OPCML: variants seen among roughly 807,000 people sequenced by gnomAD.
The protein encoded by OPCML is opioid binding protein/cell adhesion molecule like.
In OPCML, 13 loss-of-function variants were observed where a neutral mutation model predicts 37.8. The ratio of observed to expected loss-of-function variants is 0.34; its 90% CI spans 0.22 to 0.55. OPCML has a LOEUF of 0.55. Among genes scored for constraint, OPCML ranks in the 20% least tolerant of loss-of-function variants. The pLI is 0.91. For missense variants in OPCML, 341 were observed against 435.6 expected, an observed-to-expected ratio of 0.78 and a Z score of 1.93; for synonymous variants, 176 against 168.8, an observed-to-expected ratio of 1.04 and a Z score of -0.33.
intron 4 of OPCML, among the ~76,000 whole-genome samples, chr11:132,493,130 AGTGTG>A (rs1330333535): frequency 6.6e-6 from 1 of 152,158 alleles, no homozygotes; most frequent in African/African-American, 2.4e-5. Context: ...GGCTAAATTG[AGTGTG>A]GTGGTGGAAT....
At chr11:133,029,206 A>C (rs1161128125) in intron 1 of OPCML, among the ~76,000 whole-genome samples, 2 of 148,038 alleles carry the variant, frequency 1.4e-5, no homozygotes, top group Non-Finnish European at 3.0e-5. Context: ...TTAAAAAGTC[A>C]AAAGAAAAAA....
At chr11:133,004,141 C>T (rs1947062692) in intron 1 of OPCML, 1 of 985,388 alleles carries the variant, frequency 1.0e-6, no homozygotes, top group Non-Finnish European at 1.2e-6. Context: ...AAAGCGGGAG[C>T]AGGCAGCCCA....
intron 1 of OPCML, among the ~76,000 whole-genome samples, chr11:133,109,335 G>A (rs914309024): frequency 1.3e-5 from 2 of 152,110 alleles, no homozygotes; most frequent in African/African-American, 4.8e-5. Context: ...AGGACTGAGT[G>A]GGTTACCGCT....
At position 132,988,546 on chromosome 11, in the gene OPCML, C is replaced by T. The variant is rs945779897; in HGVS notation, c.62-45536G>A. Among the ~76,000 whole-genome samples, 22 of 152,278 alleles carry T rather than the reference C, an allele frequency of 1.4e-4. 1 individual carries two copies. Among genetic ancestry groups the T allele is most frequent in the Middle Eastern group, 3.4e-3 (1 of 292 alleles). ...CTAGACAGAAATGGGGAGGGCTGCG[C>T]GGCCTTCTTTTAGAATAAATAACAT... On this transcript the variant is annotated intron_variant, in intron 1 of 7. Coordinates refer to ENST00000524381, the MANE Select transcript of OPCML (RefSeq NM_001012393.5).
intron 2 of OPCML, among the ~76,000 whole-genome samples, chr11:132,834,003 G>C (rs35874047): frequency 0.07 from 10,705 of 152,272 alleles, 426 homozygotes; most frequent in Non-Finnish European, 0.082. Context: ...CTTGACCTAT[G>C]GGTGCCCTTC....
At chr11:133,423,722 C>T (rs1375081084) in intron 1 of OPCML, among the ~76,000 whole-genome samples, 8 of 152,114 alleles carry the variant, frequency 5.3e-5, no homozygotes, top group Non-Finnish European at 1.2e-4. Context: ...TGTGGACTCC[C>T]AATGTTAGAG....
chr11:133,492,960 A>C (rs138639291), intron 1 of OPCML, among the ~76,000 whole-genome samples: 1 of 152,332 alleles, frequency 6.6e-6, no homozygotes, highest in East Asian at 1.9e-4. Context: ...AAGAAGCATC[A>C]GGCACCACCA....
rs181243938 is a variant in OPCML at position 133,289,936 on chromosome 11, G to A, written c.61+242328C>T. On this transcript the variant is annotated intron_variant, in intron 1 of 7. Coordinates refer to ENST00000524381, the MANE Select transcript of OPCML (RefSeq NM_001012393.5). ...TTTCCCCCCTGGGCTGTTCTGACCC[G>A]GCCATCTAATCACTGTGGAGGCAAC... Among the ~76,000 whole-genome samples the A allele has an allele frequency of 4.9e-3, 742 of 152,200 alleles. 8 individuals carry two copies. The highest frequency in any genetic ancestry group is 0.017 in the African/African-American group (707 of 41,518).
At chr11:133,130,115 A>C (rs1378331581) in intron 1 of OPCML, among the ~76,000 whole-genome samples, 1 of 152,096 alleles carries the variant, frequency 6.6e-6, no homozygotes, top group Non-Finnish European at 1.5e-5. Flanking sequence ...GCAAACAATC[A>C]TCTAAGCCAT....
intron 1 of OPCML, among the ~76,000 whole-genome samples, chr11:133,021,091 T>C (rs1354255321): frequency 6.6e-6 from 1 of 152,122 alleles, no homozygotes; most frequent in Non-Finnish European, 1.5e-5. Context: ...CCTTCAGCCA[T>C]TCAGGAGACA....
At chr11:132,639,559 C>G (rs757820982) in intron 3 of OPCML, among the ~76,000 whole-genome samples, 1 of 152,166 alleles carries the variant, frequency 6.6e-6, no homozygotes, top group East Asian at 1.9e-4. Context: ...TTCCTGAATC[C>G]GAACACAATC....
At chr11:133,424,248 C>T (rs1181230810) in intron 1 of OPCML, among the ~76,000 whole-genome samples, 1 of 152,174 alleles carries the variant, frequency 6.6e-6, no homozygotes, top group Non-Finnish European at 1.5e-5. Flanking sequence ...TCAATTGCAT[C>T]ATTTGCTGCA....
intron 1 of OPCML, among the ~76,000 whole-genome samples, chr11:133,304,547 G>A (rs1389008765): frequency 6.6e-6 from 1 of 152,148 alleles, no homozygotes; most frequent in Non-Finnish European, 1.5e-5. Context: ...GCCATTCTAT[G>A]CCGATGCCTT....
intron 2 of OPCML, among the ~76,000 whole-genome samples, chr11:132,913,724 T>G (rs938119170): frequency 2.0e-5 from 3 of 152,266 alleles, no homozygotes; most frequent in South Asian, 2.1e-4. Context: ...CATGGCTCCT[T>G]CTGAAATGAC....
chr11:132,754,302 T>C (rs1476512470), intron 2 of OPCML, among the ~76,000 whole-genome samples: 1 of 152,202 alleles, frequency 6.6e-6, no homozygotes, highest in Non-Finnish European at 1.5e-5. Context: ...TGGGAGTTTA[T>C]TGAATCATGG....
intron 2 of OPCML, among the ~76,000 whole-genome samples, chr11:132,789,827 A>G (rs1426886777): frequency 6.6e-6 from 1 of 152,302 alleles, no homozygotes; most frequent in South Asian, 2.1e-4. Flanking sequence ...CATCTGGCTG[A>G]GTGTTCATAG....
intron 4 of OPCML, among the ~76,000 whole-genome samples, chr11:132,438,493 G>A (rs1423118169): frequency 6.6e-6 from 1 of 152,080 alleles, no homozygotes; most frequent in Non-Finnish European, 1.5e-5. Context: ...GGGTGGGCCA[G>A]TGTGTAGGAC....
intron 3 of OPCML, among the ~76,000 whole-genome samples, chr11:132,608,413 A>G (rs1938438831): frequency 6.6e-6 from 1 of 152,144 alleles, no homozygotes; most frequent in Non-Finnish European, 1.5e-5. Flanking sequence ...CTAACACTGG[A>G]GGCTGTTCAA....
chr11:133,073,789 T>G (rs1230784088), intron 1 of OPCML, among the ~76,000 whole-genome samples: 2 of 152,252 alleles, frequency 1.3e-5, no homozygotes, highest in East Asian at 3.9e-4. Context: ...AGTTACTATT[T>G]ATTGACCCAG....
Sources: allele counts gnomAD v4.1 joint callset (sites outside exome capture counted in the v4.1 genomes callset), GRCh38; gene constraint gnomAD v4.1.1; transcripts MANE v1.5; gene names NCBI Gene and HGNC (gene_info 2026-07-23, HGNC 2026-07-21).